Variants in POLR1A observed in about 807,000 individuals in gnomAD.
The protein encoded by POLR1A is RNA polymerase I subunit A.
Under a neutral mutation model 205.3 loss-of-function variants are expected in POLR1A, and 84 were observed. That is an observed-to-expected ratio of 0.41 (90% confidence interval 0.34 to 0.49). The LOEUF (loss-of-function observed/expected upper bound fraction) is 0.49. Among genes scored for constraint, POLR1A ranks in the 20% least tolerant of loss-of-function variants. The probability of loss-of-function intolerance (pLI) is 0.22; values close to 1 mark genes in which losing one functional copy is unlikely to be tolerated. For missense variants in POLR1A, 1,645 were observed against 2,204.5 expected (o/e 0.75, Z 5.08); for synonymous variants, 799 against 863.7 (o/e 0.93, Z 1.31).
rs2104375482 is a variant in POLR1A, at chr2:86,027,211, G to A, written c.*212C>T. On this transcript the variant is annotated 3_prime_UTR_variant, in exon 34 of 34. Coordinates refer to ENST00000263857, the MANE Select transcript of POLR1A (RefSeq NM_015425.6). ...CTTGATAAAAATCCAGAGACAGGGA[G>A]GGGCAAGGATGAGCAACTCTGTCAC... is the stretch of plus-strand genomic sequence containing the variant. 1 of 588,404 alleles carries A rather than the reference G, an allele frequency of 1.7e-6. No homozygotes were observed. Among genetic ancestry groups the A allele is most frequent in the Non-Finnish European group, 3.0e-6 (1 of 329,308 alleles). The allele number at this position is 588,404 out of a possible 1,614,324, so 36.4% of individuals were successfully genotyped here.
intron 21 of POLR1A, among the ~76,000 whole-genome samples, chr2:86,044,622 C>A (rs2104391872): frequency 6.6e-6 from 1 of 152,294 alleles, no homozygotes; most frequent in South Asian, 2.1e-4. Context: ...CTACACTCTC[C>A]CACAATGCAG....
At position 86,052,992 on chromosome 2, in the gene POLR1A, G is replaced by A. The variant is rs776948169; in HGVS notation, c.2217C>T (p.Ile739=). The A allele has an allele frequency of 6.3e-7, 1 of 1,580,162 alleles. No individual in the cohort carries two copies. Among genetic ancestry groups the A allele is most frequent in the Non-Finnish European group, 8.6e-7 (1 of 1,162,670 alleles). The change falls in exon 16 of 34, where the codon ATC becomes ATT. Residue 739 remains isoleucine, a synonymous_variant. Transcript: ENST00000263857. ...PDSMCESQVI[I]REGELLCGVL... is the part of the protein sequence containing the mutation. ...CTCCGCAGAGCAGCTCCCCTTCCCT[G>A]ATGATCACCTGCAGAGGGCAAGGCC... is the stretch of plus-strand genomic sequence containing the variant.
chr2:86,094,183 A>G (rs1291818070), intron 3 of POLR1A, among the ~76,000 whole-genome samples: 3 of 152,198 alleles, frequency 2.0e-5, no homozygotes, highest in Non-Finnish European at 4.4e-5. Context: ...TTTGTAATTA[A>G]AAAAGACTAT....
In POLR1A at chr2:86,105,749, G is replaced by A; in HGVS notation, c.28C>T (p.Arg10Trp). ...CCGAAGGAAATGCCCTGCAGCCGCC[G>A]CCAGGGCATGTTCTTGGAGATCAAC... MLISKNMPW[R>W]RLQGISFGMY... Residue 10 changes from arginine (R) to tryptophan (W), a missense_variant, in exon 1 of 34, where the codon CGG becomes TGG. Arg to Trp is a moderately radical substitution (Grantham distance 101, BLOSUM62 -3). This residue lies in a region of POLR1A where 330 missense variants were observed against 375.6 expected (regional missense o/e 0.88). Coordinates refer to ENST00000263857, the MANE Select transcript of POLR1A (RefSeq NM_015425.6). 3 of 1,614,034 alleles carry A rather than the reference G, an allele frequency of 1.9e-6. No individual in the cohort carries two copies. Among genetic ancestry groups the A allele is most frequent in the Non-Finnish European group, 2.5e-6 (3 of 1,179,906 alleles).
intron 16 of POLR1A, among the ~76,000 whole-genome samples, chr2:86,052,325 A>C (rs1672816862): frequency 1.3e-5 from 2 of 152,214 alleles, no homozygotes; most frequent in Non-Finnish European, 2.9e-5. Flanking sequence ...GCACTTGTGT[A>C]GCAGGGAATG....
chr2:86,094,423 C>T (rs1673668529), intron 3 of POLR1A, among the ~76,000 whole-genome samples: 1 of 152,178 alleles, frequency 6.6e-6, no homozygotes, highest in Non-Finnish European at 1.5e-5. Flanking sequence ...TTGGACATGT[C>T]CAATCGTTCT....
intron 1 of POLR1A, among the ~76,000 whole-genome samples, chr2:86,102,262 A>C (rs1462357813): frequency 6.6e-6 from 1 of 152,210 alleles, no homozygotes; most frequent in African/African-American, 2.4e-5. Context: ...AATGGTGTAC[A>C]AAAAGCTTCC....
chr2:86,045,966 G>A (rs1279555466), intron 19 of POLR1A, among the ~76,000 whole-genome samples, 197 bp from the exon 20 acceptor site: 1 of 152,154 alleles, frequency 6.6e-6, no homozygotes, highest in Admixed American at 6.5e-5. Flanking sequence ...TTGGTTGACT[G>A]ATCTGGATTT....
intron 30 of POLR1A, among the ~76,000 whole-genome samples, chr2:86,030,792 G>A (rs536761395): frequency 3.3e-5 from 5 of 152,296 alleles, no homozygotes; most frequent in Admixed American, 2.0e-4. Flanking sequence ...AAGACAAAGC[G>A]TAAGTGTGTG....
Position 86,039,407 on chromosome 2 carries a change from C to T in POLR1A, c.3796G>A (p.Val1266Met), listed in dbSNP as rs774068438. The T allele has an allele frequency of 3.1e-6, 5 of 1,613,906 alleles. No individual in the cohort carries two copies. The highest frequency in any genetic ancestry group is 4.2e-6 in the Non-Finnish European group (5 of 1,179,976). The change falls in exon 26 of 34, where the codon GTG becomes ATG. Residue 1266 changes from valine (V) to methionine (M), a missense_variant. Val to Met is a conservative substitution (Grantham distance 21). Transcript: ENST00000263857. ...GCTTTCTTGGTGTTGAGCACGGGCA[C>T]GCTCATCATGGGTGTCTTGATGTTG... is the stretch of plus-strand genomic sequence containing the variant. ...SANIKTPMMS[V>M]PVLNTKKALK...
rs2104382546 is a variant in POLR1A, at chr2:86,033,713, CGA to C, written c.4107_4108del (p.Arg1370LysfsTer23). On this transcript the variant is annotated frameshift_variant, in exon 28 of 34. Transcript: ENST00000263857. LOFTEE classifies it high-confidence loss of function. ...GTCCAGATCCCGCTGTGTAGCTCTT[CGA>C]GTGTTTACGTTCCTGAAAGCTGATG... 6.2e-7 allele frequency: 1 copy of C among 1,614,034 alleles called. No individual in the cohort carries two copies. Among genetic ancestry groups the C allele is most frequent in the East Asian group, 2.2e-5 (1 of 44,882 alleles).
intron 6 of POLR1A, among the ~76,000 whole-genome samples, chr2:86,087,744 C>T (rs1414748909): frequency 1.2e-4 from 8 of 69,456 alleles, no homozygotes; most frequent in Middle Eastern, 8.9e-3. Flanking sequence ...GGTTTCACCA[C>T]GTTGGCCAGG....
In POLR1A at chr2:86,070,937, A is replaced by G. The variant is rs955710694; in HGVS notation, c.1612-665T>C. 4.6e-5 allele frequency among the ~76,000 whole-genome samples: 7 copies of G among 152,110 alleles called. No individual in the cohort carries two copies. The highest frequency in any genetic ancestry group is 1.4e-4 in the African/African-American group (6 of 41,410). ...AAACACATTTTCTGTTGGCTCTTCA[A>G]GAAAAAAAAAAGCACCCACACAAGG... On this transcript the variant is annotated intron_variant, in intron 12 of 33. Coordinates refer to ENST00000263857, the MANE Select transcript of POLR1A (RefSeq NM_015425.6). The surrounding 1 kb of genome is among the most constrained non-coding windows in gnomAD (Gnocchi z 4.4).
At chr2:86,095,230 G>T (rs935943084) in intron 3 of POLR1A, among the ~76,000 whole-genome samples, 2 of 152,088 alleles carry the variant, frequency 1.3e-5, no homozygotes, top group Non-Finnish European at 2.9e-5. Context: ...TAATGTCTTC[G>T]GGACTGAAGC....
At chr2:86,099,490 G>A (rs947168802) in intron 2 of POLR1A, among the ~76,000 whole-genome samples, 5 of 151,628 alleles carry the variant, frequency 3.3e-5, no homozygotes, top group Admixed American at 2.0e-4. Flanking sequence ...AGCTGAAAAT[G>A]TACCAGCATG....
At chr2:86,049,384 T>C in intron 16 of POLR1A, 142 bp from the exon 17 acceptor site, 1 of 638,806 alleles carries the variant, frequency 1.6e-6, no homozygotes, top group South Asian at 1.8e-5. Flanking sequence ...TTAACATCAT[T>C]ATTAACAGAT....
chr2:86,031,244 C>G, intron 30 of POLR1A, 86 bp downstream of exon 30: 1 of 1,490,564 alleles, frequency 6.7e-7, no homozygotes, highest in Non-Finnish European at 8.9e-7. Flanking sequence ...CCCAGCTGTG[C>G]AGGGGAGCTC....
At chr2:86,057,004 C>T (rs1672909399) in intron 14 of POLR1A, among the ~76,000 whole-genome samples, 1 of 152,204 alleles carries the variant, frequency 6.6e-6, no homozygotes, top group Admixed American at 6.5e-5. Context: ...TTTTGACTTT[C>T]AAGCCTTATT....
intron 26 of POLR1A, 75 bp downstream of exon 26, chr2:86,039,252 C>G (rs879521410): frequency 1.3e-5 from 20 of 1,512,372 alleles, no homozygotes; most frequent in Non-Finnish European, 1.7e-5. Context: ...GTAAGCAAAG[C>G]CTGTTCTTCA....
Sources: allele counts gnomAD v4.1 joint callset (sites outside exome capture counted in the v4.1 genomes callset), GRCh38; gene constraint gnomAD v4.1.1; regional missense constraint gnomAD v4.1.1; non-coding constraint Gnocchi (gnomAD v3.1); transcripts MANE v1.5; gene names NCBI Gene and HGNC (gene_info 2026-07-23, HGNC 2026-07-21).